Variants in SLC8A1 observed in about 807,000 individuals in gnomAD.
The protein encoded by SLC8A1 is solute carrier family 8 member A1.
SLC8A1 carries 18 observed loss-of-function variants against 68.3 expected under a neutral mutation model. The observed-to-expected ratio is 0.26, with a 90% CI of 0.18 to 0.39. SLC8A1 has a LOEUF of 0.39. SLC8A1 is among the 10% of genes least tolerant of loss of function. The pLI is 1.00. For synonymous variants in SLC8A1, 475 were observed against 415.5 expected (o/e 1.14, Z -1.74); for missense variants, 985 against 1,156.7 (o/e 0.85, Z 2.15).
rs1483875944 is a variant in SLC8A1, at chr2:40,460,855, G to A, written c.-24-30551C>T. Among the ~76,000 whole-genome samples, 4 of 122,158 alleles carry A rather than the reference G, an allele frequency of 3.3e-5. No homozygotes were observed. In the East Asian group the frequency reaches 5.9e-4, roughly 18 times the overall value. 80.1% of individuals were successfully genotyped at this position (122,158 alleles called of 152,430 possible). On this transcript the variant is annotated intron_variant, in intron 1 of 7. Transcript: ENST00000402441. ...CCCTAAGTGCTGGGATTACAGGCGT[G>A]AGCCACCGCACCTGACTATAAGGAT... is the stretch of plus-strand genomic sequence containing the variant.
intron 2 of SLC8A1, among the ~76,000 whole-genome samples, chr2:40,329,957 G>T (rs975147356): frequency 6.6e-6 from 1 of 152,100 alleles, no homozygotes; most frequent in South Asian, 2.1e-4. Context: ...TAATAAAAAG[G>T]GGGGGAAAAA....
intron 2 of SLC8A1, among the ~76,000 whole-genome samples, chr2:40,411,496 C>T (rs2149701225): frequency 6.6e-6 from 1 of 151,856 alleles, no homozygotes; most frequent in African/African-American, 2.4e-5. Context: ...AGAATTTAGC[C>T]TAAAGAACTA....
At chr2:40,233,206 G>T (rs2059914748) in intron 2 of SLC8A1, among the ~76,000 whole-genome samples, 1 of 152,070 alleles carries the variant, frequency 6.6e-6, no homozygotes, top group South Asian at 2.1e-4. Context: ...CTAGTTTACA[G>T]TCCCACCAAC....
intron 2 of SLC8A1, among the ~76,000 whole-genome samples, chr2:40,415,196 A>T (rs1035982148): frequency 6.6e-6 from 1 of 152,202 alleles, no homozygotes; most frequent in Non-Finnish European, 1.5e-5. Flanking sequence ...AGACAAGGTC[A>T]GGAAGTCTCA....
At chr2:40,241,998 A>G (rs1392624153) in intron 2 of SLC8A1, among the ~76,000 whole-genome samples, 2 of 152,180 alleles carry the variant, frequency 1.3e-5, no homozygotes, top group African/African-American at 4.8e-5. Flanking sequence ...AATTTGATCT[A>G]TTTCCTATAG....
At chr2:40,489,835 C>T (rs1034138835) in intron 1 of SLC8A1, among the ~76,000 whole-genome samples, 1 of 151,966 alleles carries the variant, frequency 6.6e-6, no homozygotes. Flanking sequence ...CAGGAACAAT[C>T]CCCAAACTTT....
chr2:40,175,135 G>A (rs6734847), intron 3 of SLC8A1, 126 bp downstream of exon 4: 652,810 of 939,942 alleles, frequency 0.69, 234,836 homozygotes, highest in Non-Finnish European at 0.76. Flanking sequence ...TGAGGTCAAT[G>A]GCCCTAAACA....
At chr2:40,206,241 G>T (rs987100508) in intron 2 of SLC8A1, among the ~76,000 whole-genome samples, 1 of 151,922 alleles carries the variant, frequency 6.6e-6, no homozygotes, top group Non-Finnish European at 1.5e-5. Context: ...TCAGAACTGT[G>T]GACAATTATT....
At chr2:40,397,038 A>C (rs528700944) in intron 2 of SLC8A1, among the ~76,000 whole-genome samples, 10 of 152,292 alleles carry the variant, frequency 6.6e-5, no homozygotes, top group Admixed American at 4.6e-4. Flanking sequence ...GCTGATGAGA[A>C]TATTTCAGTG....
At chr2:40,136,514 C>G (rs1266171368) in intron 7 of SLC8A1, among the ~76,000 whole-genome samples, 2 of 152,098 alleles carry the variant, frequency 1.3e-5, no homozygotes, top group African/African-American at 2.4e-5. Context: ...CAAAGTCTAA[C>G]CTAGAAAGAA....
At chr2:40,191,446 T>A (rs1222043984) in intron 2 of SLC8A1, among the ~76,000 whole-genome samples, 1 of 152,224 alleles carries the variant, frequency 6.6e-6, no homozygotes, top group Non-Finnish European at 1.5e-5. Flanking sequence ...TATTTACTGG[T>A]ACTTGCAATT....
chr2:40,161,961 A>T (rs1178184450), intron 5 of SLC8A1, among the ~76,000 whole-genome samples: 2 of 152,224 alleles, frequency 1.3e-5, no homozygotes, highest in African/African-American at 2.4e-5. Context: ...GCAAAATGCT[A>T]TCTAAAGGGC....
intron 5 of SLC8A1, 26 bp downstream of exon 8, chr2:40,164,828 C>T: frequency 6.2e-7 from 1 of 1,612,476 alleles, no homozygotes; most frequent in South Asian, 1.1e-5. Context: ...AGACTGGCTC[C>T]TGGTGGGCAG....
chr2:40,267,645 A>T (rs2065517774), intron 2 of SLC8A1, among the ~76,000 whole-genome samples: 1 of 152,226 alleles, frequency 6.6e-6, no homozygotes, highest in African/African-American at 2.4e-5. Context: ...TGAATGGGAA[A>T]AAATTATAGA....
At chr2:40,195,314 G>C (rs1242241973) in intron 2 of SLC8A1, among the ~76,000 whole-genome samples, 1 of 152,048 alleles carries the variant, frequency 6.6e-6, no homozygotes, top group Admixed American at 6.6e-5. Flanking sequence ...TGGAACTGGA[G>C]AATAGTTCAG....
chr2:40,501,667 C>A (rs1706067190), intron 1 of SLC8A1, among the ~76,000 whole-genome samples: 1 of 152,080 alleles, frequency 6.6e-6, no homozygotes, highest in Admixed American at 6.6e-5. Context: ...ATAAATGTTT[C>A]TTTCATGTAC....
chr2:40,393,642 T>G (rs747423740), intron 2 of SLC8A1, among the ~76,000 whole-genome samples: 3 of 152,114 alleles, frequency 2.0e-5, no homozygotes, highest in Non-Finnish European at 4.4e-5. Context: ...CCAGCAAAAC[T>G]AATTAGGGGG....
rs555612617 is a variant in SLC8A1, at chr2:40,409,854, A to G, written c.1808+18619T>C. On this transcript the variant is annotated intron_variant, in intron 2 of 7. Coordinates refer to ENST00000406785, the Ensembl canonical transcript of SLC8A1. ...TTGATCCTGCTTTGCCTTCAATTTCATTACTGTCTGCCAACCAACCAATTA... is the reference window on the plus strand; with the variant it reads ...TTGATCCTGCTTTGCCTTCAATTTCGTTACTGTCTGCCAACCAACCAATTA... 3.3e-5 allele frequency among the ~76,000 whole-genome samples: 5 copies of G among 152,224 alleles called. No individual in the cohort carries two copies. The South Asian group carries it at 1.0e-3, about 32-fold the overall frequency.
At chr2:40,241,127 A>C (rs1409375289) in intron 2 of SLC8A1, among the ~76,000 whole-genome samples, 5 of 152,196 alleles carry the variant, frequency 3.3e-5, no homozygotes, top group Admixed American at 2.6e-4. Flanking sequence ...GATTGGATAA[A>C]GCTAATACGG....
Sources: allele counts gnomAD v4.1 joint callset (sites outside exome capture counted in the v4.1 genomes callset), GRCh38; gene constraint gnomAD v4.1.1; transcripts MANE v1.5; gene names NCBI Gene and HGNC (gene_info 2026-07-23, HGNC 2026-07-21).